Variants in WDHD1 observed in about 807,000 individuals in gnomAD.
The protein encoded by WDHD1 is WD repeat and HMG-box DNA-binding protein 1.
A neutral mutation model predicts 135.4 loss-of-function variants in WDHD1; 111 were observed. The ratio of observed to expected loss-of-function variants is 0.82; its 90% confidence interval spans 0.70 to 0.96. WDHD1 has a LOEUF of 0.96. Ranked by LOEUF, WDHD1 falls within the 40% of genes least tolerant of loss-of-function variation. The pLI, the probability that WDHD1 is intolerant of heterozygous loss-of-function variation, is 0.00. For synonymous variants in WDHD1, 434 were observed against 439.0 expected, an observed-to-expected ratio of 0.99 and a Z score of 0.14; for missense variants, 1,351 against 1,336.3, an observed-to-expected ratio of 1.01 and a Z score of -0.17.
intron 16 of WDHD1, among the ~76,000 whole-genome samples, chr14:54,976,183 G>A (rs1045218687): frequency 6.6e-6 from 1 of 152,168 alleles, no homozygotes; most frequent in African/African-American, 2.4e-5. Flanking sequence ...CACAAACAAT[G>A]AGAGCAAACA....
Position 55,000,662 on chromosome 14 carries a change from G to A in WDHD1, c.801-18C>T. 3 of 1,515,588 alleles carry A rather than the reference G, an allele frequency of 2.0e-6. No individual in the cohort carries two copies. The highest frequency in any genetic ancestry group is 1.4e-5 in the South Asian group (1 of 70,766). 93.9% of individuals were successfully genotyped at this position (1,515,588 alleles called of 1,614,324 possible). ...GTTTCACCCTAAAAATTAAAAAGTA[G>A]GTTCTAAAAATACTGTCAAGAAAAA... is the stretch of plus-strand genomic sequence containing the variant. On this transcript the variant is annotated intron_variant, in intron 9 of 25. Transcript: ENST00000360586.
At chr14:55,015,720 A>C (rs1006636844) in intron 2 of WDHD1, among the ~76,000 whole-genome samples, 1 of 148,110 alleles carries the variant, frequency 6.8e-6, no homozygotes, top group African/African-American at 2.5e-5. Flanking sequence ...TTTTTTTGAG[A>C]CACAGTCTCA....
intron 1 of WDHD1, 78 bp downstream of exon 1, chr14:55,026,950 G>A (rs959269718): frequency 1.4e-6 from 1 of 701,668 alleles, no homozygotes. Context: ...GGATAAGGCA[G>A]AGGGTCTGTC....
intron 2 of WDHD1, among the ~76,000 whole-genome samples, chr14:55,024,385 C>T (rs990111569): frequency 6.6e-6 from 1 of 152,224 alleles, no homozygotes; most frequent in Non-Finnish European, 1.5e-5. Flanking sequence ...CTTTCTCAAC[C>T]GTAACATTCA....
chr14:55,021,200 C>G (rs946077730), intron 2 of WDHD1, among the ~76,000 whole-genome samples: 1 of 152,204 alleles, frequency 6.6e-6, no homozygotes, highest in African/African-American at 2.4e-5. Context: ...TTTCAGTGCT[C>G]ATAACATAGA....
intron 10 of WDHD1, among the ~76,000 whole-genome samples, chr14:54,998,735 C>T (rs1260214137): frequency 2.0e-5 from 3 of 152,080 alleles, no homozygotes; most frequent in Admixed American, 6.6e-5. Context: ...AACCGCCATG[C>T]TTGCATGTAC....
intron 25 of WDHD1, 120 bp from the exon 26 acceptor site, chr14:54,941,810 G>T: frequency 1.2e-6 from 1 of 822,620 alleles, no homozygotes. Context: ...ATTAGCACTT[G>T]AATTAAGTGT....
chr14:54,945,160 T>C (rs2040902267), intron 24 of WDHD1, among the ~76,000 whole-genome samples: 2 of 152,190 alleles, frequency 1.3e-5, no homozygotes, highest in African/African-American at 2.4e-5. Flanking sequence ...CCTCACGACT[T>C]TTCTCAAGCC....
At chr14:54,942,969 AT>A (rs1281483049) in intron 25 of WDHD1, among the ~76,000 whole-genome samples, 3 of 152,252 alleles carry the variant, frequency 2.0e-5, no homozygotes, top group Non-Finnish European at 4.4e-5. Flanking sequence ...GAAACATAAA[AT>A]TGTAAATGAG....
chr14:54,985,983 T>C (rs567860939), intron 14 of WDHD1, among the ~76,000 whole-genome samples: 3 of 152,280 alleles, frequency 2.0e-5, no homozygotes, highest in African/African-American at 7.2e-5. Context: ...GCAAATTAAG[T>C]CTGAAATGTC....
At chr14:54,980,760 C>T (rs1347373309) in intron 16 of WDHD1, among the ~76,000 whole-genome samples, 1 of 144,924 alleles carries the variant, frequency 6.9e-6, no homozygotes, top group Non-Finnish European at 1.5e-5. Flanking sequence ...ACTGAGATCA[C>T]GCCACTGTAC....
At chr14:54,954,560 T>C (rs1278319736) in intron 24 of WDHD1, among the ~76,000 whole-genome samples, 1 of 152,206 alleles carries the variant, frequency 6.6e-6, no homozygotes, top group South Asian at 2.1e-4. Flanking sequence ...CTGTCTGTAC[T>C]AGCAAAAGAC....
intron 16 of WDHD1, among the ~76,000 whole-genome samples, chr14:54,972,553 CAAAAAAAAAAAAAAAAA>C (rs71410642): frequency 9.0e-4 from 23 of 25,500 alleles, no homozygotes; most frequent in East Asian, 2.1e-3. Flanking sequence ...AAGACTGTCA[CAAAAAAAAAAAAAAAAA>C]AAAAAAAAAA....
intron 10 of WDHD1, 97 bp downstream of exon 10, chr14:55,000,406 T>C: frequency 7.8e-7 from 1 of 1,283,806 alleles, no homozygotes; most frequent in East Asian, 2.7e-5. Context: ...ACATGAAAGG[T>C]AATTTTCCAA....
intron 3 of WDHD1, among the ~76,000 whole-genome samples, chr14:55,012,288 T>C (rs1201331374): frequency 6.6e-6 from 1 of 152,208 alleles, no homozygotes; most frequent in Non-Finnish European, 1.5e-5. Flanking sequence ...TAAATGCGCC[T>C]GGGTTTGGAA....
intron 21 of WDHD1, among the ~76,000 whole-genome samples, chr14:54,961,156 GC>G (rs143474618): frequency 0.021 from 3,151 of 151,856 alleles, 126 homozygotes; most frequent in African/African-American, 0.073. Context: ...CTATACCTCT[GC>G]TTAAAACCTA....
intron 7 of WDHD1, among the ~76,000 whole-genome samples, chr14:55,003,739 T>C (rs1472394796): frequency 7.3e-6 from 1 of 136,736 alleles, no homozygotes; most frequent in Non-Finnish European, 1.6e-5. Context: ...AATTTTTGTA[T>C]TTTCAGTAGA....
chr14:54,947,680 C>T (rs906094524), intron 24 of WDHD1, among the ~76,000 whole-genome samples: 3 of 152,026 alleles, frequency 2.0e-5, no homozygotes, highest in Non-Finnish European at 4.4e-5. Context: ...CAGCCTCCGT[C>T]TCCTGTGTTC....
chr14:54,949,505 A>G (rs2041001514), intron 24 of WDHD1, among the ~76,000 whole-genome samples: 1 of 152,236 alleles, frequency 6.6e-6, no homozygotes, highest in South Asian at 2.1e-4. Flanking sequence ...GACTATGTGA[A>G]AAGACCAAAT....
Sources: allele counts gnomAD v4.1 joint callset (sites outside exome capture counted in the v4.1 genomes callset), GRCh38; gene constraint gnomAD v4.1.1; transcripts MANE v1.5; gene names NCBI Gene and HGNC (gene_info 2026-07-23, HGNC 2026-07-21).